USP8: variants seen among roughly 807,000 people sequenced by gnomAD.
The protein encoded by USP8 is ubiquitin specific peptidase 8, also known as ubiquitin carboxyl-terminal hydrolase 8.
USP8 carries 27 observed loss-of-function variants against 130.0 expected under a neutral mutation model. The observed-to-expected ratio is 0.21, with a 90% CI of 0.15 to 0.29. The LOEUF (loss-of-function observed/expected upper bound fraction) is 0.29. Ranked by LOEUF, USP8 falls within the 10% of genes least tolerant of loss-of-function variation. The pLI, the probability that USP8 is intolerant of heterozygous loss-of-function variation, is 1.00. For synonymous variants in USP8, 392 were observed against 444.1 expected (o/e 0.88, Z 1.48); for missense variants, 1,029 against 1,312.2 (o/e 0.78, Z 3.33).
intron 10 of USP8, among the ~76,000 whole-genome samples, chr15:50,480,045 G>C (rs1040123488): frequency 1.2e-4 from 18 of 152,176 alleles, no homozygotes; most frequent in African/African-American, 7.2e-5. Context: ...ACAGGCGTGA[G>C]TCACTGCGCC....
In USP8 at chr15:50,495,881, A is replaced by C; in HGVS notation, c.2692A>C (p.Asn898His). ...TCGGAAGAGATATAAAGAAGAAAATAATGATCATCTCGATGACTTTAAAGC... is the reference window on the plus strand; with the variant it reads ...TCGGAAGAGATATAAAGAAGAAAATCATGATCATCTCGATGACTTTAAAGC... ...DNRKRYKEENNDHLDDFKAAE... is the reference protein window; with the variant it reads ...DNRKRYKEENHDHLDDFKAAE... The change falls in exon 17 of 20, where the codon AAT (asparagine) becomes CAT (histidine). Residue 898 changes from asparagine (N) to histidine (H), a missense_variant. Asn to His is a moderately conservative substitution (Grantham distance 68). Coordinates refer to ENST00000307179, the MANE Select transcript of USP8 (RefSeq NM_005154.5). 6.2e-7 allele frequency: 1 copy of C among 1,613,858 alleles called. No individual in the cohort carries two copies. Among genetic ancestry groups the C allele is most frequent in the Non-Finnish European group, 8.5e-7 (1 of 1,179,884 alleles).
intron 14 of USP8, among the ~76,000 whole-genome samples, 188 bp from the exon 15 acceptor site, chr15:50,492,513 A>C (rs565928765): frequency 2.6e-5 from 4 of 152,354 alleles, no homozygotes; most frequent in Non-Finnish European, 5.9e-5. Context: ...CTGAGACCTT[A>C]GTCGTATGAC....
At chr15:50,484,952 A>G (rs1313578388) in intron 12 of USP8, among the ~76,000 whole-genome samples, 1 of 152,122 alleles carries the variant, frequency 6.6e-6, no homozygotes, top group Non-Finnish European at 1.5e-5. Flanking sequence ...TAGAGACAGA[A>G]AGTAGAATGG....
intron 7 of USP8, among the ~76,000 whole-genome samples, chr15:50,468,949 C>T (rs1178131180): frequency 2.0e-5 from 3 of 151,974 alleles, no homozygotes; most frequent in Non-Finnish European, 4.4e-5. Flanking sequence ...AAGTTACTAC[C>T]CGTATCCCAC....
At chr15:50,484,247 C>A in intron 11 of USP8, 28 bp from the exon 12 acceptor site, 1 of 1,556,322 alleles carries the variant, frequency 6.4e-7, no homozygotes, top group Admixed American at 1.8e-5. Context: ...AGTTTTCTTT[C>A]ACTTCTGTAA....
intron 1 of USP8, among the ~76,000 whole-genome samples, chr15:50,430,446 C>T (rs2049895235): frequency 6.6e-6 from 1 of 152,132 alleles, no homozygotes; most frequent in South Asian, 2.1e-4. Flanking sequence ...CTCTATTGCT[C>T]AGGCTGGAGT....
Position 50,501,186 on chromosome 15 carries a change from A to T in USP8, c.*2098A>T. The T allele has an allele frequency of 4.4e-6, 1 of 225,614 alleles. No homozygotes were observed. Among genetic ancestry groups the T allele is most frequent in the South Asian group, 6.0e-5 (1 of 16,678 alleles). 14.0% of individuals were successfully genotyped at this position (225,614 alleles called of 1,614,324 possible). On this transcript the variant is annotated 3_prime_UTR_variant, in exon 20 of 20. Coordinates refer to ENST00000307179, the MANE Select transcript of USP8 (RefSeq NM_005154.5). ...AATAAGAAGATAATTCAGGCCGGGCACAGTGGCTCACACCTGTAATCCCAA... is the reference window on the plus strand; with the variant it reads ...AATAAGAAGATAATTCAGGCCGGGCTCAGTGGCTCACACCTGTAATCCCAA...
At chr15:50,490,816 A>G (rs2052131983) in intron 14 of USP8, among the ~76,000 whole-genome samples, 1 of 152,170 alleles carries the variant, frequency 6.6e-6, no homozygotes, top group Admixed American at 6.5e-5. Flanking sequence ...CACGTTTTTC[A>G]TAGACCGCCT....
intron 4 of USP8, among the ~76,000 whole-genome samples, chr15:50,449,995 G>A (rs187306696): frequency 1.5e-4 from 22 of 142,848 alleles, no homozygotes; most frequent in Middle Eastern, 7.5e-3. Flanking sequence ...TGGGGTTCAC[G>A]CCATTCTCCT....
chr15:50,424,445 TC>T lies in USP8; in HGVS notation c.-132del, dbSNP rs574840522. On this transcript the variant is annotated 5_prime_UTR_variant, in exon 1 of 20. Coordinates refer to ENST00000307179, the MANE Select transcript of USP8 (RefSeq NM_005154.5). ...CCGTCCTGGTAGCCAAGGCTAATTCTCCCTCGAGTTCTTGGGAGATGGGCAT... is the reference window on the plus strand; with the variant it reads ...CCGTCCTGGTAGCCAAGGCTAATTCTCCTCGAGTTCTTGGGAGATGGGCAT... 3.3e-5 allele frequency: 13 copies of T among 398,690 alleles called. No individual in the cohort carries two copies. The South Asian group carries it at 1.5e-3, about 47-fold the overall frequency. 24.7% of individuals were successfully genotyped at this position (398,690 alleles called of 1,614,324 possible).
Position 50,496,021 on chromosome 15 carries a change from G to A in USP8, c.2832G>A (p.Arg944=). The change falls in exon 17 of 20, where the codon AGG becomes AGA. Residue 944 remains arginine (R), a synonymous_variant. Transcript: ENST00000307179. ...VQCLTCHKKS[R]TFEAFMYLSL... ...GCCTCACATGTCACAAAAAGTCTAG[G>A]ACATTTGAGGCCTTCATGTATTTGT... 2 of 1,613,926 alleles carry A rather than the reference G, an allele frequency of 1.2e-6. No homozygotes were observed. Among genetic ancestry groups the A allele is most frequent in the Non-Finnish European group, 1.7e-6 (2 of 1,179,998 alleles).
Position 50,468,432 on chromosome 15 carries a change from A to G in USP8, c.687-3201A>G, listed in dbSNP as rs1042324246. 2.4e-5 allele frequency among the ~76,000 whole-genome samples: 3 copies of G among 124,880 alleles called. No individual in the cohort carries two copies. The East Asian group carries it at 7.3e-4, about 30-fold the overall frequency. The allele number at this position is 124,880 out of a possible 152,430, so 81.9% of individuals were successfully genotyped here. On this transcript the variant is annotated intron_variant, in intron 7 of 19. Coordinates refer to ENST00000307179, the MANE Select transcript of USP8 (RefSeq NM_005154.5). Reference sequence around the variant, plus strand: ...TAATTTTTGTATTTTTAGTAGACACAGGGTTTCACTATGTTGGCCAGGCTG... The same window carrying G: ...TAATTTTTGTATTTTTAGTAGACACGGGGTTTCACTATGTTGGCCAGGCTG...
chr15:50,469,664 T>A (rs1324628668), intron 7 of USP8, among the ~76,000 whole-genome samples: 1 of 152,146 alleles, frequency 6.6e-6, no homozygotes, highest in Non-Finnish European at 1.5e-5. Flanking sequence ...TGATCTTATT[T>A]GGTTTTACTT....
chr15:50,455,399 GTT>G (rs1447225750), intron 4 of USP8, among the ~76,000 whole-genome samples: 17 of 143,606 alleles, frequency 1.2e-4, no homozygotes, highest in African/African-American at 3.2e-4. Context: ...TTTCTGTGTG[GTT>G]CTTTTTTATA....
At chr15:50,438,584 C>CAAAT (rs537719478) in intron 1 of USP8, among the ~76,000 whole-genome samples, 2 of 151,530 alleles carry the variant, frequency 1.3e-5, no homozygotes, top group South Asian at 4.2e-4. Context: ...GACCCTATCT[C>CAAAT]AAATAAATAA....
At chr15:50,449,890 CTTTT>C (rs1198558839) in intron 4 of USP8, among the ~76,000 whole-genome samples, 3 of 78,918 alleles carry the variant, frequency 3.8e-5, no homozygotes, top group Non-Finnish European at 4.8e-5. Context: ...CCCAATATTT[CTTTT>C]TTTTTTTTTT....
chr15:50,457,860 CA>C (rs200645587), intron 4 of USP8, among the ~76,000 whole-genome samples: 10 of 85,902 alleles, frequency 1.2e-4, no homozygotes, highest in Non-Finnish European at 1.0e-4. Context: ...GACTCTGTCT[CA>C]AAAAAAAAAA....
intron 3 of USP8, among the ~76,000 whole-genome samples, chr15:50,448,426 G>C (rs545044419): frequency 6.6e-6 from 1 of 152,146 alleles, no homozygotes; most frequent in Non-Finnish European, 1.5e-5. Context: ...TGACCTCTTG[G>C]AGTAGTGATT....
At chr15:50,479,863 A>G (rs1481013931) in intron 10 of USP8, among the ~76,000 whole-genome samples, 3 of 151,970 alleles carry the variant, frequency 2.0e-5, no homozygotes, top group Non-Finnish European at 4.4e-5. Context: ...GGTTCAAGCA[A>G]TCCTCCCACC....
Sources: gnomAD v4.1 joint callset for allele counts (sites outside exome capture counted in the v4.1 genomes callset) on GRCh38, gnomAD v4.1.1 for gene constraint, MANE v1.5 for transcripts, NCBI Gene and HGNC (gene_info 2026-07-23, HGNC 2026-07-21) for gene names.